The following EIF2AK3 variants were observed in gnomAD, a reference collection of about 807,000 sequenced individuals.
EIF2AK3 encodes the protein eukaryotic translation initiation factor 2-alpha kinase 3.
EIF2AK3 carries 50 observed loss-of-function variants against 113.5 expected under a neutral mutation model. That is an observed-to-expected ratio of 0.44 (90% confidence interval 0.35 to 0.56). The LOEUF is 0.56. Among genes scored for constraint, EIF2AK3 ranks in the 20% least tolerant of loss-of-function variants. EIF2AK3 has a pLI of 0.00. For missense variants in EIF2AK3, 1,185 were observed against 1,378.0 expected (o/e 0.86, Z 2.22); for synonymous variants, 448 against 495.4 (o/e 0.90, Z 1.27).
At chr2:88,619,040 G>T (rs1156592235) in intron 1 of EIF2AK3, among the ~76,000 whole-genome samples, 1 of 147,562 alleles carries the variant, frequency 6.8e-6, no homozygotes, top group African/African-American at 2.5e-5. Context: ...TTGCTCTGTC[G>T]CCCAATGGTA....
rs375827301 is a variant in EIF2AK3 at position 88,625,284 on chromosome 2, TACACACACACACACACACACACACAC to T, written c.308+1657_308+1682del. On this transcript the variant is annotated intron_variant, in intron 1 of 16. Transcript: ENST00000303236. ...TATGTGCATGTCTATATCGCTTACG[TACACACACACACACACACACACACAC>T]ACACACACACACACACAGACATACA... Among the ~76,000 whole-genome samples, 59 of 135,260 alleles carry T rather than the reference TACACACACACACACACACACACACAC, an allele frequency of 4.4e-4. 1 individual carries two copies. The South Asian group carries it at 0.013, about 31-fold the overall frequency. 88.7% of individuals were successfully genotyped at this position (135,260 alleles called of 152,430 possible). A position where few individuals can be genotyped will look rare whatever the true frequency, so the allele number is the denominator to read the frequency against.
intron 2 of EIF2AK3, 87 bp downstream of exon 2, chr2:88,613,637 T>G (rs987760706): frequency 2.5e-5 from 37 of 1,475,242 alleles, no homozygotes; most frequent in Admixed American, 3.4e-5. Flanking sequence ...GCCTCAAACC[T>G]GGGCAATAGG....
chr2:88,605,330 A>G (rs896436282), intron 2 of EIF2AK3, among the ~76,000 whole-genome samples: 1 of 152,252 alleles, frequency 6.6e-6, no homozygotes, highest in South Asian at 2.1e-4. Flanking sequence ...TTTCAAAAAT[A>G]ACAAAAGCTT....
At chr2:88,575,900 C>T (rs998421270) in intron 12 of EIF2AK3, among the ~76,000 whole-genome samples, 1 of 152,298 alleles carries the variant, frequency 6.6e-6, no homozygotes, top group East Asian at 1.9e-4. Context: ...TGCTTAGATA[C>T]CTGTAGGTAG....
rs529041171 is a variant in EIF2AK3, at chr2:88,578,488, G to A, written c.1886+1030C>T. ...ACCTGAGGTCAGGAGTTTGAGACCA[G>A]CCTGGCCAACATAGTGAAACCCCAT... On this transcript the variant is annotated intron_variant, in intron 11 of 16. Transcript: ENST00000303236. Among the ~76,000 whole-genome samples, 7 of 152,218 alleles carry A rather than the reference G, an allele frequency of 4.6e-5. No homozygotes were observed. In the East Asian group the frequency reaches 7.8e-4, roughly 17 times the overall value.
intron 2 of EIF2AK3, among the ~76,000 whole-genome samples, chr2:88,596,646 C>T (rs944854332): frequency 6.6e-6 from 1 of 152,048 alleles, no homozygotes; most frequent in Non-Finnish European, 1.5e-5. Flanking sequence ...TAGATGGAAG[C>T]ATACCCATCA....
chr2:88,613,544 A>G lies in EIF2AK3; in HGVS notation c.438+180T>C, dbSNP rs370292998. Among the ~76,000 whole-genome samples the G allele has an allele frequency of 2.7e-4, 41 of 152,330 alleles. No individual in the cohort carries two copies. The South Asian group carries it at 7.5e-3, about 28-fold the overall frequency. ...TAATCCTAAGAAGATGTTATTATCC[A>G]TCTCATTTCACAAGAGGGGAACTGA... On this transcript the variant is annotated intron_variant, in intron 2 of 16. Transcript: ENST00000303236.
At chr2:88,559,277 GGACA>G (rs1232387657) in intron 15 of EIF2AK3, among the ~76,000 whole-genome samples, 2 of 151,960 alleles carry the variant, frequency 1.3e-5, no homozygotes, top group Non-Finnish European at 2.9e-5. Flanking sequence ...CATCTGTACT[GGACA>G]GATACAGATT....
Position 88,583,546 on chromosome 2 carries a change from A to G in EIF2AK3, c.1651-4T>C, listed in dbSNP as rs750573955. The G allele has an allele frequency of 1.6e-5, 26 of 1,609,200 alleles. No homozygotes were observed. The East Asian group carries it at 5.1e-4, about 32-fold the overall frequency. ...GAGTTTCAGACTCCTTCCTTTGCTGATAAGGTGAAAAACAAAATCACTACC... is the reference window on the plus strand; with the variant it reads ...GAGTTTCAGACTCCTTCCTTTGCTGGTAAGGTGAAAAACAAAATCACTACC... On this transcript the variant is annotated splice_polypyrimidine_tract_variant and splice_region_variant and intron_variant, in intron 9 of 16. Coordinates refer to ENST00000303236, the MANE Select transcript of EIF2AK3 (RefSeq NM_004836.7).
chr2:88,558,532 TA>T (rs1161107336), intron 16 of EIF2AK3, among the ~76,000 whole-genome samples: 2 of 152,194 alleles, frequency 1.3e-5, no homozygotes, highest in Admixed American at 1.3e-4. Context: ...TAAGTATATG[TA>T]GGTATTAATA....
At chr2:88,587,523 T>C (rs1219534866) in intron 8 of EIF2AK3, among the ~76,000 whole-genome samples, 3 of 152,204 alleles carry the variant, frequency 2.0e-5, no homozygotes, top group Non-Finnish European at 4.4e-5. Context: ...GATAACCTCA[T>C]TGTGCATCAT....
At chr2:88,606,288 G>T (rs1675272740) in intron 2 of EIF2AK3, among the ~76,000 whole-genome samples, 1 of 148,354 alleles carries the variant, frequency 6.7e-6, no homozygotes, top group African/African-American at 2.6e-5. Flanking sequence ...TGTACATGAA[G>T]AGTCAATTTC....
intron 15 of EIF2AK3, among the ~76,000 whole-genome samples, chr2:88,561,983 A>C (rs573960376): frequency 6.6e-6 from 1 of 152,342 alleles, no homozygotes; most frequent in South Asian, 2.1e-4. Flanking sequence ...TGTGGCCCCC[A>C]TTACCTTGTG....
At chr2:88,607,891 A>G (rs546168317) in intron 2 of EIF2AK3, among the ~76,000 whole-genome samples, 1 of 152,324 alleles carries the variant, frequency 6.6e-6, no homozygotes, top group Admixed American at 6.5e-5. Flanking sequence ...AAGTTAGATT[A>G]TCTTTAGAGA....
chr2:88,623,785 T>C (rs188935090), intron 1 of EIF2AK3, among the ~76,000 whole-genome samples: 31 of 152,310 alleles, frequency 2.0e-4, no homozygotes, highest in African/African-American at 6.7e-4. Flanking sequence ...TTCTCAAACA[T>C]TCCACACTAT....
At chr2:88,611,601 C>T (rs1165983564) in intron 2 of EIF2AK3, among the ~76,000 whole-genome samples, 2 of 151,960 alleles carry the variant, frequency 1.3e-5, no homozygotes, top group Non-Finnish European at 2.9e-5. Context: ...AGTGAGCTTT[C>T]TGAAAAGGCT....
intron 10 of EIF2AK3, 177 bp from the exon 11 acceptor site, chr2:88,579,817 G>A: frequency 1.8e-6 from 1 of 564,344 alleles, no homozygotes; most frequent in East Asian, 3.2e-5. Context: ...TATAAATGAA[G>A]CAAACACATT....
At chr2:88,600,487 C>G (rs1254677175) in intron 2 of EIF2AK3, among the ~76,000 whole-genome samples, 1 of 152,150 alleles carries the variant, frequency 6.6e-6, no homozygotes, top group African/African-American at 2.4e-5. Context: ...ACTTGCTTCT[C>G]CCTTAAGTCA....
At chr2:88,605,480 A>G (rs28718017) in intron 2 of EIF2AK3, among the ~76,000 whole-genome samples, 21,338 of 152,128 alleles carry the variant, frequency 0.14, 2,482 homozygotes, top group African/African-American at 0.32. Context: ...AACCAAATAA[A>G]GATTAATTCA....
Sources: gnomAD v4.1 joint callset for allele counts (sites outside exome capture counted in the v4.1 genomes callset) on GRCh38, gnomAD v4.1.1 for gene constraint, MANE v1.5 for transcripts, NCBI Gene and HGNC (gene_info 2026-07-23, HGNC 2026-07-21) for gene names.